Variants in FMN1 observed in about 807,000 individuals in gnomAD.
FMN1 encodes the protein formin-1.
FMN1 carries 110 observed loss-of-function variants against 132.4 expected under a neutral mutation model. That is an observed-to-expected ratio of 0.83 (90% CI 0.71 to 0.97). FMN1 has a LOEUF of 0.97. FMN1 is among the 50% of genes least tolerant of loss of function. The pLI, the probability that FMN1 is intolerant of heterozygous loss-of-function variation, is 0.00. For synonymous variants in FMN1, 722 were observed against 651.7 expected (o/e 1.11, Z -1.64); for missense variants, 1,792 against 1,705.3 (o/e 1.05, Z -0.90).
chr15:32,796,025 G>A (rs533589375), intron 19 of FMN1, among the ~76,000 whole-genome samples: 1 of 152,190 alleles, frequency 6.6e-6, no homozygotes, highest in Non-Finnish European at 1.5e-5. Flanking sequence ...CAAGGCACAA[G>A]AACTTAGGAC....
intron 9 of FMN1, among the ~76,000 whole-genome samples, chr15:32,935,069 G>A (rs1402888214): frequency 6.6e-6 from 1 of 151,180 alleles, no homozygotes; most frequent in Non-Finnish European, 1.5e-5. Flanking sequence ...TTACAGGCAC[G>A]CACCACCATG....
intron 10 of FMN1, among the ~76,000 whole-genome samples, chr15:32,910,794 C>T (rs1167869412): frequency 6.6e-6 from 1 of 152,220 alleles, no homozygotes; most frequent in Non-Finnish European, 1.5e-5. Context: ...TTAATTTAGG[C>T]TCCACAGGAG....
At chr15:32,907,377 A>G (rs1164555745) in intron 12 of FMN1, among the ~76,000 whole-genome samples, 1 of 152,078 alleles carries the variant, frequency 6.6e-6, no homozygotes, top group African/African-American at 2.4e-5. Context: ...GATCGCTCAC[A>G]TGCGCAGTTC....
intron 3 of FMN1, among the ~76,000 whole-genome samples, chr15:33,170,172 C>T (rs1279957596): frequency 1.3e-5 from 2 of 152,064 alleles, no homozygotes; most frequent in African/African-American, 2.4e-5. Flanking sequence ...AGGGAAAGGA[C>T]ACCCCCTTCA....
intron 4 of FMN1, chr15:33,150,924 G>C: frequency 9.7e-7 from 1 of 1,025,726 alleles, no homozygotes. Context: ...CCTCTTTCTG[G>C]ACTGCTGGCA....
Position 33,153,414 on chromosome 15 carries a change from C to A in FMN1, c.1501G>T (p.Gly501Cys). ...KPSPPAPAAL[G>C]KVFNNSASQS... ...GAGGCTGAATTATTAAACACCTTGCCAAGAGCTGCCGGTGCTGGTGGGGAT... is the reference window on the plus strand; with the variant it reads ...GAGGCTGAATTATTAAACACCTTGCAAAGAGCTGCCGGTGCTGGTGGGGAT... Residue 501 changes from glycine (G) to cysteine (C), a missense_variant, in exon 4 of 21, where the codon GGC (glycine) becomes TGC (cysteine). Transcript: ENST00000616417. The A allele has an allele frequency of 6.5e-7, 1 of 1,536,758 alleles. No individual in the cohort carries two copies. The highest frequency in any genetic ancestry group is 1.2e-5 in the South Asian group (1 of 84,064).
chr15:33,153,613 A>G lies in FMN1; in HGVS notation c.1302T>C (p.Pro434=), dbSNP rs1352330665. Residue 434 remains proline (P), a synonymous_variant, in exon 4 of 21, where the codon CCT becomes CCC. Coordinates refer to ENST00000616417, the MANE Select transcript of FMN1 (RefSeq NM_001277313.2). The part of the protein sequence containing the change: ...VIESEKLDEA[P]EGKRLGFPVH... The stretch of plus-strand genomic sequence containing the variant: ...CAGGGAAGCCCAGTCTTTTCCCCTC[A>G]GGGGCTTCATCTAACTTCTCACTCT... 6.5e-7 allele frequency: 1 copy of G among 1,536,232 alleles called. No individual in the cohort carries two copies. Among genetic ancestry groups the G allele is most frequent in the Admixed American group, 2.0e-5 (1 of 51,000 alleles).
chr15:33,013,252 G>C (rs1218672245), intron 6 of FMN1, among the ~76,000 whole-genome samples: 2 of 152,204 alleles, frequency 1.3e-5, no homozygotes, highest in African/African-American at 4.8e-5. Context: ...GACCATATTT[G>C]TGATTAGTTA....
chr15:32,783,079 C>A (rs2056721072), intron 19 of FMN1, among the ~76,000 whole-genome samples: 1 of 151,982 alleles, frequency 6.6e-6, no homozygotes. Context: ...ACAGTAGAAG[C>A]CCAAACCCTG....
chr15:32,990,929 T>C (rs2033395730), intron 7 of FMN1, among the ~76,000 whole-genome samples: 1 of 152,092 alleles, frequency 6.6e-6, no homozygotes, highest in South Asian at 2.1e-4. Flanking sequence ...ATGATTTAAT[T>C]ACCTCCCACC....
At chr15:32,785,458 T>G (rs1344669398) in intron 19 of FMN1, among the ~76,000 whole-genome samples, 1 of 151,798 alleles carries the variant, frequency 6.6e-6, no homozygotes, top group African/African-American at 2.4e-5. Context: ...GGGTTTACAC[T>G]CTAACCTATG....
At chr15:32,963,990 A>T in intron 9 of FMN1, 117 bp downstream of exon 9, 1 of 538,230 alleles carries the variant, frequency 1.9e-6, no homozygotes, top group Non-Finnish European at 3.1e-6. Context: ...ATATATGTAT[A>T]GGTATGTGTG....
chr15:33,172,801 T>C (rs530055829), intron 3 of FMN1, among the ~76,000 whole-genome samples: 111 of 152,258 alleles, frequency 7.3e-4, no homozygotes, highest in Middle Eastern at 3.4e-3. Flanking sequence ...ACTGTCAATA[T>C]TCTAGCTTAT....
chr15:32,938,629 T>C (rs551605969), intron 9 of FMN1, among the ~76,000 whole-genome samples: 12 of 152,344 alleles, frequency 7.9e-5, no homozygotes, highest in Middle Eastern at 3.4e-3. Context: ...ATAGGACTCA[T>C]AGAAATCATT....
chr15:32,899,904 A>C (rs756574620), intron 14 of FMN1, 75 bp downstream of exon 14: 2 of 1,425,798 alleles, frequency 1.4e-6, no homozygotes, highest in Non-Finnish European at 1.9e-6. Flanking sequence ...ACAATCTGGA[A>C]TACGTTTTTT....
At chr15:32,928,492 C>G (rs760462110) in intron 9 of FMN1, among the ~76,000 whole-genome samples, 1 of 152,160 alleles carries the variant, frequency 6.6e-6, no homozygotes, top group Non-Finnish European at 1.5e-5. Context: ...TTACTGTACA[C>G]GTTACATGTG....
chr15:32,984,978 C>CAAAAAAAA (rs11330959), intron 7 of FMN1, among the ~76,000 whole-genome samples: 69 of 97,228 alleles, frequency 7.1e-4, no homozygotes, highest in African/African-American at 2.3e-3. Flanking sequence ...CATCCATCAC[C>CAAAAAAAA]AAAAAAAAAA....
chr15:33,126,365 C>G (rs1963068212), intron 4 of FMN1, among the ~76,000 whole-genome samples: 1 of 152,156 alleles, frequency 6.6e-6, no homozygotes, highest in Non-Finnish European at 1.5e-5. Flanking sequence ...GGCAGTCCAG[C>G]AGAGCAGCAC....
chr15:32,784,925 G>C (rs2140909646), intron 19 of FMN1, among the ~76,000 whole-genome samples: 1 of 152,058 alleles, frequency 6.6e-6, no homozygotes, highest in East Asian at 1.9e-4. Flanking sequence ...GCTTTTAATA[G>C]CTTCAGAATG....
Sources: gnomAD v4.1 joint callset for allele counts (sites outside exome capture counted in the v4.1 genomes callset) on GRCh38, gnomAD v4.1.1 for gene constraint, MANE v1.5 for transcripts, NCBI Gene and HGNC (gene_info 2026-07-23, HGNC 2026-07-21) for gene names.